The following SLC38A5 variants were observed in gnomAD, a reference collection of about 807,000 sequenced individuals.
The protein encoded by SLC38A5 is sodium-coupled neutral amino acid transporter 5.
A neutral mutation model predicts 34.6 loss-of-function variants in SLC38A5; 9 were observed. The ratio of observed to expected loss-of-function variants is 0.26; its 90% CI spans 0.16 to 0.45. The LOEUF (loss-of-function observed/expected upper bound fraction) is 0.45, where lower values mean the gene tolerates loss of function less well. Ranked by LOEUF, SLC38A5 falls within the 20% of genes least tolerant of loss-of-function variation. The pLI, the probability that SLC38A5 is intolerant of heterozygous loss-of-function variation, is 1.00. For missense variants in SLC38A5, 253 were observed against 394.7 expected (o/e 0.64, Z 3.04); for synonymous variants, 157 against 155.6 (o/e 1.01, Z -0.07).
At chrX:48,467,294 C>G (rs1556963719) in intron 4 of SLC38A5, 5 of 431,100 alleles carry the variant, frequency 1.2e-5, no homozygotes. Flanking sequence ...CTAGGACAAA[C>G]TTTGGAGGGA....
At chrX:48,469,075 TC>T in intron 2 of SLC38A5, 1 of 745,114 alleles carries the variant, frequency 1.3e-6, no homozygotes, top group Non-Finnish European at 1.6e-6. Flanking sequence ...TTTTCCCAAG[TC>T]CTGAATCCCG....
intron 12 of SLC38A5, 128 bp downstream of exon 12, chrX:48,461,590 C>G (rs1556961904): frequency 4.2e-6 from 3 of 715,764 alleles, no homozygotes; most frequent in Non-Finnish European, 4.1e-6. Context: ...CCACCCCAAA[C>G]CCCTCCCATG....
At chrX:48,461,364 C>T (rs1212803641) in intron 12 of SLC38A5, among the ~76,000 whole-genome samples, 1 of 111,182 alleles carries the variant, frequency 9.0e-6, no homozygotes. Flanking sequence ...TGATCATCCA[C>T]ACATCTCCCA....
intron 16 of SLC38A5, 183 bp from the exon 17 acceptor site, chrX:48,459,217 C>T (rs959283260): frequency 3.1e-5 from 15 of 486,499 alleles, no homozygotes; most frequent in Admixed American, 4.1e-5. Flanking sequence ...TTCCCAGGAC[C>T]CATGACAGAA....
intron 12 of SLC38A5, among the ~76,000 whole-genome samples, chrX:48,461,500 G>C (rs1220807693): frequency 9.0e-6 from 1 of 111,691 alleles, no homozygotes; most frequent in Non-Finnish European, 1.9e-5. Flanking sequence ...ATCCACATTT[G>C]TGCTGGATAT....
chrX:48,458,712 T>A lies in SLC38A5; in HGVS notation c.*221A>T. ...CTCCTCCTCTTCTTCCTCCTCCTCC[T>A]CCTCCCATGGGGTTGGGGTTGGGAT... On this transcript the variant is annotated 3_prime_UTR_variant, in exon 17 of 17. Transcript: ENST00000620913. 2 of 994,172 alleles carry A rather than the reference T, an allele frequency of 2.0e-6. No homozygotes were observed. The highest frequency in any genetic ancestry group is 1.3e-6 in the Non-Finnish European group (1 of 787,897). The allele number at this position is 994,172 out of a possible 1,213,427, so 81.9% of individuals were successfully genotyped here. A position where few individuals can be genotyped will look rare whatever the true frequency, so the allele number is the denominator to read the frequency against.
rs112551013 is a variant in SLC38A5 at position 48,466,393 on chromosome X, A to G, written c.320-71T>C. On this transcript the variant is annotated intron_variant, in intron 6 of 16. Coordinates refer to ENST00000620913, the MANE Select transcript of SLC38A5 (RefSeq NM_033518.4). Reference sequence around the variant, plus strand: ...GCCAGAGGTGCAGGCCAGAGGGCCCAGGAGCTGGGGAGTTGGGGCTTGGGG... The same window carrying G: ...GCCAGAGGTGCAGGCCAGAGGGCCCGGGAGCTGGGGAGTTGGGGCTTGGGG... The G allele has an allele frequency of 3.1e-4, 327 of 1,058,444 alleles. 5 individuals carry two copies. The African/African-American group carries it at 4.7e-3, about 15-fold the overall frequency. The allele number at this position is 1,058,444 out of a possible 1,213,427, so 87.2% of individuals were successfully genotyped here.
In SLC38A5 at chrX:48,458,818, A is replaced by C; in HGVS notation, c.*115T>G. ...CAGCCTCTGCTGTCCCCCGCCTCTG[A>C]CAACCACGTTCATGGGAACCAGCCA... On this transcript the variant is annotated 3_prime_UTR_variant, in exon 17 of 17. Coordinates refer to ENST00000620913, the MANE Select transcript of SLC38A5 (RefSeq NM_033518.4). 1.8e-6 allele frequency: 2 copies of C among 1,095,256 alleles called. No individual in the cohort carries two copies. The highest frequency in any genetic ancestry group is 2.4e-6 in the Non-Finnish European group (2 of 837,424). 90.3% of individuals were successfully genotyped at this position (1,095,256 alleles called of 1,213,427 possible).
In SLC38A5 at chrX:48,462,227, A is replaced by T. The variant is rs782480144; in HGVS notation, c.633+6T>A. On this transcript the variant is annotated splice_donor_region_variant and intron_variant, in intron 10 of 16. Transcript: ENST00000620913. ...CAAACTCTCTCCCCGCTTCTCTGTGACTCACCGAAACAAGGAAAAACAGCA... is the reference window on the plus strand; with the variant it reads ...CAAACTCTCTCCCCGCTTCTCTGTGTCTCACCGAAACAAGGAAAAACAGCA... 4 of 1,211,275 alleles carry T rather than the reference A, an allele frequency of 3.3e-6. No homozygotes were observed. Among genetic ancestry groups the T allele is most frequent in the Non-Finnish European group, 4.5e-6 (4 of 895,362 alleles).
In SLC38A5 at chrX:48,458,706, T is replaced by A; in HGVS notation, c.*227A>T. On this transcript the variant is annotated 3_prime_UTR_variant, in exon 17 of 17. Transcript: ENST00000620913. The stretch of plus-strand genomic sequence containing the variant: ...CTCCTCCTCCTCCTCTTCTTCCTCC[T>A]CCTCCTCCTCCCATGGGGTTGGGGT... 2 of 1,000,913 alleles carry A rather than the reference T, an allele frequency of 2.0e-6. No homozygotes were observed. The highest frequency in any genetic ancestry group is 2.0e-5 in the African/African-American group (1 of 51,188). 82.5% of individuals were successfully genotyped at this position (1,000,913 alleles called of 1,213,427 possible). A position where few individuals can be genotyped will look rare whatever the true frequency, so the allele number is the denominator to read the frequency against.
chrX:48,467,561 G>A (rs1322605841), intron 4 of SLC38A5, 149 bp downstream of exon 4: 2 of 529,192 alleles, frequency 3.8e-6, no homozygotes, highest in Non-Finnish European at 6.3e-6. Flanking sequence ...TATCTGGAGA[G>A]GGGAGCGACC....
At chrX:48,460,880 C>T (rs2061429048) in intron 13 of SLC38A5, 106 bp downstream of exon 13, 1 of 1,016,143 alleles carries the variant, frequency 9.8e-7, no homozygotes. Flanking sequence ...TGAGGCACAC[C>T]TTCTGTTTGG....
rs1346184283 is a variant in SLC38A5, at chrX:48,458,693, C to CTCA, written c.*239_*240insTGA. ...CCTCCTCCTCCTCCTCCTCCTCCTC[C>CTCA]TCTTCTTCCTCCTCCTCCTCCTCCC... On this transcript the variant is annotated 3_prime_UTR_variant, in exon 17 of 17. Coordinates refer to ENST00000620913, the MANE Select transcript of SLC38A5 (RefSeq NM_033518.4). The CTCA allele has an allele frequency of 5.2e-6, 5 of 964,737 alleles. No homozygotes were observed. The highest frequency in any genetic ancestry group is 4.1e-4 in the Middle Eastern group (1 of 2,430). The allele number at this position is 964,737 out of a possible 1,213,427, so 79.5% of individuals were successfully genotyped here.
At chrX:48,467,198 G>A (rs1556963695) in intron 4 of SLC38A5, 121 bp from the exon 5 acceptor site, 1 of 548,354 alleles carries the variant, frequency 1.8e-6, no homozygotes, top group African/African-American at 2.3e-5. Context: ...GCCAAGGAGA[G>A]ACCATCGGAG....
Position 48,462,971 on chromosome X carries a change from G to A in SLC38A5, c.501C>T (p.Phe167=), listed in dbSNP as rs782479746. 1.7e-6 allele frequency: 2 copies of A among 1,203,726 alleles called. No individual in the cohort carries two copies. Among genetic ancestry groups the A allele is most frequent in the South Asian group, 3.6e-5 (2 of 55,502 alleles). The change falls in exon 9 of 17, where the codon TTC becomes TTT. Residue 167 remains phenylalanine (F), a synonymous_variant. Transcript: ENST00000620913. The part of the protein sequence containing the change: ...FLYMDPEGDW[F]LKGNLLIIIV... ...TGATGATGAGGAGGTTTCCCTTCAA[G>A]AACCAGTCCCTAGAGAGACAGGAAG...
At chrX:48,467,134 A>C in intron 4 of SLC38A5, 57 bp from the exon 5 acceptor site, 2 of 1,020,916 alleles carry the variant, frequency 2.0e-6, no homozygotes, top group Non-Finnish European at 2.7e-6. Context: ...GGGTAAGGAG[A>C]CTAATGCCAG....
chrX:48,469,794 T>C (rs2061501554), intron 1 of SLC38A5: 1 of 110,916 alleles, frequency 9.0e-6, no homozygotes, highest in African/African-American at 3.3e-5. Context: ...GAAAGACAGA[T>C]GGGCGGGAGG....
intron 2 of SLC38A5, chrX:48,468,662 C>T (rs1178970638): frequency 1.6e-5 from 3 of 181,955 alleles, no homozygotes; most frequent in Middle Eastern, 2.9e-3. Flanking sequence ...CAGGGACTCC[C>T]ATTTGACCCC....
At position 48,458,630 on chromosome X, in the gene SLC38A5, G is replaced by C; in HGVS notation, c.*303C>G. The C allele has an allele frequency of 2.1e-6, 2 of 947,769 alleles. No homozygotes were observed. Among genetic ancestry groups the C allele is most frequent in the Non-Finnish European group, 1.3e-6 (1 of 760,171 alleles). 78.1% of individuals were successfully genotyped at this position (947,769 alleles called of 1,213,427 possible). Reference sequence around the variant, plus strand: ...AGCCAGGAGGAGGCAGAGAGGACTGGGCTGGGCAAAGGCTCCACCAGGACC... The same window carrying C: ...AGCCAGGAGGAGGCAGAGAGGACTGCGCTGGGCAAAGGCTCCACCAGGACC... On this transcript the variant is annotated 3_prime_UTR_variant, in exon 17 of 17. Coordinates refer to ENST00000620913, the MANE Select transcript of SLC38A5 (RefSeq NM_033518.4).
Sources: gnomAD v4.1 joint callset for allele counts (sites outside exome capture counted in the v4.1 genomes callset) on GRCh38, gnomAD v4.1.1 for gene constraint, MANE v1.5 for transcripts, NCBI Gene and HGNC (gene_info 2026-07-23, HGNC 2026-07-21) for gene names.